The following CLSTN1 variants were observed in gnomAD, a reference collection of about 807,000 sequenced individuals.
The protein encoded by CLSTN1 is calsyntenin 1.
A neutral mutation model predicts 108.3 loss-of-function variants in CLSTN1; 28 were observed. That is an observed-to-expected ratio of 0.26 (90% CI 0.19 to 0.35). The LOEUF is 0.35. Ranked by LOEUF, CLSTN1 falls within the 10% of genes least tolerant of loss-of-function variation. CLSTN1 has a pLI of 1.00. For synonymous variants in CLSTN1, 524 were observed against 534.9 expected (o/e 0.98, Z 0.28); for missense variants, 1,157 against 1,302.6 (o/e 0.89, Z 1.72).
chr1:9,759,419 G>T (rs1211592366), intron 2 of CLSTN1, among the ~76,000 whole-genome samples: 1 of 152,126 alleles, frequency 6.6e-6, no homozygotes, highest in Non-Finnish European at 1.5e-5. Context: ...GGGATTACAG[G>T]TGCCTGCCAC....
chr1:9,781,196 A>C, intron 1 of CLSTN1: 1 of 786,758 alleles, frequency 1.3e-6, no homozygotes, highest in Non-Finnish European at 2.2e-6. Flanking sequence ...GGAGCTTCGC[A>C]AGGCTACTGA....
intron 2 of CLSTN1, among the ~76,000 whole-genome samples, chr1:9,767,125 C>G (rs1397073475): frequency 6.6e-6 from 1 of 152,180 alleles, no homozygotes; most frequent in African/African-American, 2.4e-5. Flanking sequence ...CAGGCACTGA[C>G]GGAGGTTTTG....
chr1:9,795,540 A>T (rs1171589937), intron 1 of CLSTN1, among the ~76,000 whole-genome samples: 1 of 151,474 alleles, frequency 6.6e-6, no homozygotes, highest in African/African-American at 2.4e-5. Context: ...CTGAAGAAGC[A>T]TGTTTATTTT....
chr1:9,790,468 G>T (rs984106206), intron 1 of CLSTN1, among the ~76,000 whole-genome samples: 1 of 151,188 alleles, frequency 6.6e-6, no homozygotes, highest in African/African-American at 2.4e-5. Flanking sequence ...TTATGTATGT[G>T]GACTAGATCC....
At chr1:9,806,939 C>CT (rs949170450) in intron 1 of CLSTN1, among the ~76,000 whole-genome samples, 148 of 151,580 alleles carry the variant, frequency 9.8e-4, no homozygotes, top group African/African-American at 3.4e-3. Context: ...AAGAGGCAGT[C>CT]TTTTAAGTCT....
chr1:9,734,116 T>C lies in CLSTN1; in HGVS notation c.2137A>G (p.Ile713Val). Residue 713 changes from isoleucine to valine, a missense_variant, in exon 15 of 19, where the codon ATC (isoleucine) becomes GTC (valine). Transcript: ENST00000377298. This position sits in a 1 kb window ranked among gnomAD's most constrained non-coding sequence, Gnocchi z 4.8. ...TCACAGGTATCCAGGTCGTGCACGA[T>C]CTCCTCGGACACCAGTGATTCTTGA... The part of the protein sequence containing the change: ...TVQESLVSEE[I>V]VHDLDTCEVT... 1 of 1,613,864 alleles carries C rather than the reference T, an allele frequency of 6.2e-7. No individual in the cohort carries two copies. The highest frequency in any genetic ancestry group is 8.5e-7 in the Non-Finnish European group (1 of 1,179,962).
intron 1 of CLSTN1, among the ~76,000 whole-genome samples, chr1:9,814,468 G>A (rs1391868556): frequency 6.6e-6 from 1 of 152,132 alleles, no homozygotes; most frequent in Non-Finnish European, 1.5e-5. Flanking sequence ...AATTCACTTT[G>A]AATCTAAAGA....
At chr1:9,814,771 T>A (rs541488666) in intron 1 of CLSTN1, among the ~76,000 whole-genome samples, 57 of 152,072 alleles carry the variant, frequency 3.7e-4, no homozygotes, top group Middle Eastern at 3.4e-3. Flanking sequence ...TAGCCAGGCA[T>A]GGCGGTGTGC....
intron 1 of CLSTN1, among the ~76,000 whole-genome samples, chr1:9,821,353 G>C (rs1655183271): frequency 6.6e-6 from 1 of 152,146 alleles, no homozygotes; most frequent in Non-Finnish European, 1.5e-5. Context: ...GGCTGGTCTC[G>C]AACTCCTGAC....
intron 1 of CLSTN1, among the ~76,000 whole-genome samples, chr1:9,786,967 A>AC (rs1653524902): frequency 6.6e-6 from 1 of 151,448 alleles, no homozygotes; most frequent in Non-Finnish European, 1.5e-5. Flanking sequence ...AAGCAAGGGG[A>AC]CCAGACCCTG....
chr1:9,733,821 C>G (rs1381961377), intron 15 of CLSTN1, 151 bp downstream of exon 15: 1 of 817,648 alleles, frequency 1.2e-6, no homozygotes. Context: ...AGTATGCGTG[C>G]AGCCAACAAT....
At position 9,730,628 on chromosome 1, in the gene CLSTN1, CTCT is replaced by C. The variant is rs767422806; in HGVS notation, c.2823_2825del (p.Glu942del). Reference sequence around the variant, plus strand: ...CCGACTCGGCGCTGGTGATGTCATCCTCTTCTTCGCCGTCCTCGCTTTCCTCTT... The same window carrying C: ...CCGACTCGGCGCTGGTGATGTCATCCTCTTCGCCGTCCTCGCTTTCCTCTT... On this transcript the variant is annotated inframe_deletion, in exon 19 of 19. Transcript: ENST00000377298. The surrounding 1 kb of genome is among the most constrained non-coding windows in gnomAD (Gnocchi z 5.6). 5.0e-6 allele frequency: 8 copies of C among 1,610,464 alleles called. No homozygotes were observed. Among genetic ancestry groups the C allele is most frequent in the South Asian group, 2.2e-5 (2 of 91,078 alleles).
chr1:9,747,176 C>CAAAAAAAAAAAAAAAAAAAAAAAA (rs70998306), intron 7 of CLSTN1, among the ~76,000 whole-genome samples: 2 of 32,724 alleles, frequency 6.1e-5, no homozygotes, highest in East Asian at 2.4e-3. Context: ...GAGACTGTCT[C>CAAAAAAAAAAAAAAAAAAAAAAAA]AAAAAAAAAA....
At chr1:9,791,163 G>C (rs909647632) in intron 1 of CLSTN1, among the ~76,000 whole-genome samples, 1 of 136,452 alleles carries the variant, frequency 7.3e-6, no homozygotes, top group African/African-American at 2.8e-5. Context: ...AAAAAAAAAA[G>C]ATGGAATTGT....
At chr1:9,794,736 T>A (rs1346048877) in intron 1 of CLSTN1, among the ~76,000 whole-genome samples, 1 of 151,498 alleles carries the variant, frequency 6.6e-6, no homozygotes, top group Non-Finnish European at 1.5e-5. Flanking sequence ...GGCCTTTTCT[T>A]TCTTCTTTAT....
intron 12 of CLSTN1, 57 bp from the exon 13 acceptor site, chr1:9,735,672 A>T (rs1341535519): frequency 6.2e-7 from 1 of 1,605,830 alleles, no homozygotes; most frequent in African/African-American, 1.3e-5. Context: ...GCAGGAGCTG[A>T]AACCACAGAT....
intron 2 of CLSTN1, among the ~76,000 whole-genome samples, chr1:9,770,286 T>C (rs1175284328): frequency 6.6e-6 from 1 of 152,216 alleles, no homozygotes; most frequent in Admixed American, 6.5e-5. Context: ...TGAGAATCTC[T>C]AAAAAATAAA....
In CLSTN1 at chr1:9,823,750, G is replaced by T; in HGVS notation, c.-17C>A. 2 of 1,030,902 alleles carry T rather than the reference G, an allele frequency of 1.9e-6. No individual in the cohort carries two copies. The highest frequency in any genetic ancestry group is 4.5e-5 in the South Asian group (1 of 22,360). 63.9% of individuals were successfully genotyped at this position (1,030,902 alleles called of 1,614,324 possible). A position where few individuals can be genotyped will look rare whatever the true frequency, so the allele number is the denominator to read the frequency against. On this transcript the variant is annotated 5_prime_UTR_variant, in exon 1 of 19. Coordinates refer to ENST00000377298, the MANE Select transcript of CLSTN1 (RefSeq NM_001009566.3). This position sits in a 1 kb window ranked among gnomAD's most constrained non-coding sequence, Gnocchi z 6.3. ...GCGCAGCATCGCCAGCCCGGGGCGGGAGCGGCAGGGAGGCGCGCGGGACGC... is the reference window on the plus strand; with the variant it reads ...GCGCAGCATCGCCAGCCCGGGGCGGTAGCGGCAGGGAGGCGCGCGGGACGC...
chr1:9,736,885 G>A (rs1280976195), intron 11 of CLSTN1, among the ~76,000 whole-genome samples: 1 of 151,998 alleles, frequency 6.6e-6, no homozygotes, highest in Admixed American at 6.6e-5. Context: ...CCAGCCTGGC[G>A]AACATGGCGA....
Sources: allele counts gnomAD v4.1 joint callset (sites outside exome capture counted in the v4.1 genomes callset), GRCh38; gene constraint gnomAD v4.1.1; non-coding constraint Gnocchi (gnomAD v3.1); transcripts MANE v1.5; gene names NCBI Gene and HGNC (gene_info 2026-07-23, HGNC 2026-07-21).